The following MAP4K3 variants were observed in gnomAD, a reference collection of about 807,000 sequenced individuals.
MAP4K3 encodes the protein MAPK/ERK kinase kinase kinase 3.
In MAP4K3, 94 loss-of-function variants were observed where a neutral mutation model predicts 143.5. That is an observed-to-expected ratio of 0.65 (90% confidence interval 0.55 to 0.78). MAP4K3 has a LOEUF of 0.78. MAP4K3 is among the 30% of genes least tolerant of loss of function. The probability of loss-of-function intolerance (pLI) is 0.00; values close to 1 mark genes in which losing one functional copy is unlikely to be tolerated. For missense variants in MAP4K3, 1,077 were observed against 1,068.1 expected (o/e 1.01, Z -0.12); for synonymous variants, 416 against 347.2 (o/e 1.20, Z -2.20).
At chr2:39,359,843 G>C (rs1042209925) in intron 2 of MAP4K3, among the ~76,000 whole-genome samples, 2 of 152,206 alleles carry the variant, frequency 1.3e-5, no homozygotes, top group African/African-American at 4.8e-5. Flanking sequence ...AGAGCACCAA[G>C]TCCCTAGGCT....
chr2:39,272,278 C>T lies in MAP4K3; in HGVS notation c.1973+5G>A. On this transcript the variant is annotated splice_donor_5th_base_variant and intron_variant, in intron 26 of 33. Coordinates refer to ENST00000263881, the MANE Select transcript of MAP4K3 (RefSeq NM_003618.4). ...ATCATATTGCCTCTAAGGATGTACC[C>T]TTACCTTGGCAGTATTCTGTCAGGG... is the stretch of plus-strand genomic sequence containing the variant. 1 of 1,594,336 alleles carries T rather than the reference C, an allele frequency of 6.3e-7. No homozygotes were observed. The highest frequency in any genetic ancestry group is 1.1e-5 in the South Asian group (1 of 90,530).
rs1232633550 is a variant in MAP4K3 at position 39,315,400 on chromosome 2, C to A, written c.919-12G>T. The A allele has an allele frequency of 8.9e-6, 14 of 1,574,166 alleles. No homozygotes were observed. Among genetic ancestry groups the A allele is most frequent in the Non-Finnish European group, 1.2e-5 (14 of 1,147,296 alleles). ...ACAGCAACAAGAGGCTAGAAAAGAA[C>A]AAAATCAATGATATGCAGCATTTGA... On this transcript the variant is annotated splice_polypyrimidine_tract_variant and intron_variant, in intron 12 of 33. Coordinates refer to ENST00000263881, the MANE Select transcript of MAP4K3 (RefSeq NM_003618.4).
chr2:39,256,424 T>C (rs1680345336), intron 31 of MAP4K3, among the ~76,000 whole-genome samples: 1 of 152,302 alleles, frequency 6.6e-6, no homozygotes, highest in South Asian at 2.1e-4. Flanking sequence ...TTCCTTTCTA[T>C]TCCCAATTTG....
At chr2:39,281,858 G>C (rs984554144) in intron 22 of MAP4K3, among the ~76,000 whole-genome samples, 4 of 151,144 alleles carry the variant, frequency 2.6e-5, no homozygotes, top group African/African-American at 9.7e-5. Flanking sequence ...GTAACATACA[G>C]TTTATAAAGT....
At chr2:39,415,611 C>T (rs1192831177) in intron 1 of MAP4K3, among the ~76,000 whole-genome samples, 1 of 151,982 alleles carries the variant, frequency 6.6e-6, no homozygotes, top group Non-Finnish European at 1.5e-5. Flanking sequence ...AAATTAATGT[C>T]AGGCATTAAT....
chr2:39,368,620 G>A (rs1054116938), intron 2 of MAP4K3, among the ~76,000 whole-genome samples: 2 of 151,694 alleles, frequency 1.3e-5, no homozygotes, highest in African/African-American at 2.4e-5. Context: ...AGTGAGCTAT[G>A]ATCACATCAC....
rs1666512475 is a variant in MAP4K3 at position 39,386,623 on chromosome 2, C to A, written c.97-8500G>T. ...GGTACATTTTTTTGCATGTATATGTCCAACTCTTTCTTATCATTTGTGGAA... is the reference window on the plus strand; with the variant it reads ...GGTACATTTTTTTGCATGTATATGTACAACTCTTTCTTATCATTTGTGGAA... On this transcript the variant is annotated intron_variant, in intron 1 of 33. Coordinates refer to ENST00000263881, the MANE Select transcript of MAP4K3 (RefSeq NM_003618.4). Among the ~76,000 whole-genome samples the A allele has an allele frequency of 2.0e-5, 3 of 152,032 alleles. 1 individual carries two copies. In the South Asian group the frequency reaches 6.2e-4, roughly 32 times the overall value.
Position 39,378,131 on chromosome 2 carries a change from A to C in MAP4K3, c.97-8T>G, listed in dbSNP as rs1364864063. 6.5e-7 allele frequency: 1 copy of C among 1,529,416 alleles called. No homozygotes were observed. The highest frequency in any genetic ancestry group is 1.4e-5 in the African/African-American group (1 of 71,974). The allele number at this position is 1,529,416 out of a possible 1,614,324, so 94.7% of individuals were successfully genotyped here. ...AGTGTTAACATTCCGTGCCTAAAAG[A>C]AAGAGGAAAAAAGGATTATTGTGAA... On this transcript the variant is annotated splice_region_variant and splice_polypyrimidine_tract_variant and intron_variant, in intron 1 of 33. Transcript: ENST00000263881.
At chr2:39,340,337 T>G (rs1665104210) in intron 4 of MAP4K3, among the ~76,000 whole-genome samples, 2 of 152,294 alleles carry the variant, frequency 1.3e-5, no homozygotes, top group South Asian at 4.1e-4. Flanking sequence ...GGTGAAAACA[T>G]GGGTACAGCC....
At chr2:39,288,615 C>CA (rs1558624412) in intron 19 of MAP4K3, among the ~76,000 whole-genome samples, 1 of 152,120 alleles carries the variant, frequency 6.6e-6, no homozygotes, top group Non-Finnish European at 1.5e-5. Flanking sequence ...CAATTTAAAT[C>CA]AATCTCTTTT....
chr2:39,399,038 T>C (rs1441947992), intron 1 of MAP4K3, among the ~76,000 whole-genome samples: 1 of 140,306 alleles, frequency 7.1e-6, no homozygotes. Context: ...CAAGACTCTG[T>C]CTCGTTAAAA....
At chr2:39,300,305 G>C (rs1682456858) in intron 15 of MAP4K3, among the ~76,000 whole-genome samples, 1 of 152,160 alleles carries the variant, frequency 6.6e-6, no homozygotes, top group Non-Finnish European at 1.5e-5. Flanking sequence ...TTACGTATAT[G>C]AACTTGTACA....
Position 39,326,605 on chromosome 2 carries a change from C to A in MAP4K3, c.531-328G>T, listed in dbSNP as rs116902912. Among the ~76,000 whole-genome samples, 255 of 152,178 alleles carry A rather than the reference C, an allele frequency of 1.7e-3. 6 individuals are homozygous for A. In the East Asian group the frequency reaches 0.024, roughly 14 times the overall value. On this transcript the variant is annotated intron_variant, in intron 8 of 33. Transcript: ENST00000263881. The stretch of plus-strand genomic sequence containing the variant: ...TTGGGGGACTGTTGGGAAGGCATGA[C>A]TGGTTTTGAAATGTAAAAAGGACCT...
chr2:39,377,841 G>A lies in MAP4K3; in HGVS notation c.154+225C>T, dbSNP rs117911368. On this transcript the variant is annotated intron_variant, in intron 2 of 33. Coordinates refer to ENST00000263881, the MANE Select transcript of MAP4K3 (RefSeq NM_003618.4). The stretch of plus-strand genomic sequence containing the variant: ...AGAAAGAACAAAGTCTTTTCAGGAG[G>A]AGTTCCCCTTCCTCCCCCAATTATC... Among the ~76,000 whole-genome samples, 39 of 152,246 alleles carry A rather than the reference G, an allele frequency of 2.6e-4. No homozygotes were observed. In the East Asian group the frequency reaches 6.8e-3, roughly 26 times the overall value.
At chr2:39,291,173 T>C (rs1682030948) in intron 18 of MAP4K3, among the ~76,000 whole-genome samples, 1 of 152,216 alleles carries the variant, frequency 6.6e-6, no homozygotes, top group Non-Finnish European at 1.5e-5. Flanking sequence ...TTTGAGATGA[T>C]GGATATGCTA....
chr2:39,316,778 G>T (rs184419061), intron 12 of MAP4K3, among the ~76,000 whole-genome samples: 36 of 152,196 alleles, frequency 2.4e-4, no homozygotes, highest in African/African-American at 7.9e-4. Context: ...CGAATAAGCA[G>T]AATTGATTCT....
At chr2:39,274,373 C>T (rs1051592511) in intron 24 of MAP4K3, among the ~76,000 whole-genome samples, 5 of 151,962 alleles carry the variant, frequency 3.3e-5, no homozygotes, top group Admixed American at 6.5e-5. Flanking sequence ...CCCGCCACCA[C>T]GCCCGGCTAA....
At chr2:39,407,851 C>CA (rs1477033239) in intron 1 of MAP4K3, among the ~76,000 whole-genome samples, 1 of 152,044 alleles carries the variant, frequency 6.6e-6, no homozygotes, top group African/African-American at 2.4e-5. Flanking sequence ...GCTGGGAGTG[C>CA]AGGTGTAGGC....
intron 12 of MAP4K3, chr2:39,323,317 C>G (rs1455907827): frequency 6.6e-6 from 1 of 152,148 alleles, no homozygotes; most frequent in Non-Finnish European, 1.5e-5. Flanking sequence ...GAAGAATCTT[C>G]ATTCCACAGA....
Sources: allele counts gnomAD v4.1 joint callset (sites outside exome capture counted in the v4.1 genomes callset), GRCh38; gene constraint gnomAD v4.1.1; transcripts MANE v1.5; gene names NCBI Gene and HGNC (gene_info 2026-07-23, HGNC 2026-07-21).